The following PLA2G4C variants were observed in gnomAD, a reference collection of about 807,000 sequenced individuals.
PLA2G4C encodes the protein cytosolic phospholipase A2 gamma.
A neutral mutation model predicts 73.8 loss-of-function variants in PLA2G4C; 64 were observed. That is an observed-to-expected ratio of 0.87 (90% CI 0.71 to 1.07). PLA2G4C has a LOEUF of 1.07. PLA2G4C is among the 50% of genes least tolerant of loss of function. The pLI is 0.00. For synonymous variants in PLA2G4C, 254 were observed against 252.1 expected (o/e 1.01, Z -0.07); for missense variants, 622 against 665.4 (o/e 0.93, Z 0.72).
chr19:48,049,301 T>C (rs1967633619), intron 16 of PLA2G4C, among the ~76,000 whole-genome samples: 1 of 152,094 alleles, frequency 6.6e-6, no homozygotes, highest in Non-Finnish European at 1.5e-5. Flanking sequence ...TCCCCAAGAC[T>C]TCCTCATGGC....
chr19:48,054,489 G>C (rs62129287), intron 15 of PLA2G4C, among the ~76,000 whole-genome samples: 1 of 122,698 alleles, frequency 8.2e-6, no homozygotes, highest in African/African-American at 3.4e-5. Context: ...TTTTGTTGTT[G>C]TATTTTTAGT....
At chr19:48,092,052 G>A (rs996996114) in intron 7 of PLA2G4C, among the ~76,000 whole-genome samples, 3 of 139,938 alleles carry the variant, frequency 2.1e-5, no homozygotes, top group East Asian at 4.2e-4. Flanking sequence ...TGGTATGGTC[G>A]TTCCTCAAAA....
At position 48,107,528 on chromosome 19, in the gene PLA2G4C, C is replaced by T. The variant is rs190067058; in HGVS notation, c.-32-967G>A. 3.3e-5 allele frequency among the ~76,000 whole-genome samples: 5 copies of T among 152,232 alleles called. No individual in the cohort carries two copies. The East Asian group carries it at 5.8e-4, about 18-fold the overall frequency. On this transcript the variant is annotated intron_variant, in intron 1 of 16. Transcript: ENST00000599921. The stretch of plus-strand genomic sequence containing the variant: ...AGAGGGCCCCTTGGTCTTGGGGTAA[C>T]GCCAGCGTCTGGGAAGATGCCCATT...
intron 13 of PLA2G4C, among the ~76,000 whole-genome samples, chr19:48,064,156 C>T (rs1435583415): frequency 1.3e-5 from 2 of 152,134 alleles, no homozygotes; most frequent in Non-Finnish European, 2.9e-5. Context: ...TGGCCGGGCA[C>T]GGTGGCTCAC....
At chr19:48,071,062 A>G (rs1041342963) in intron 12 of PLA2G4C, among the ~76,000 whole-genome samples, 1 of 152,338 alleles carries the variant, frequency 6.6e-6, no homozygotes, top group South Asian at 2.1e-4. Flanking sequence ...ATATAGATGC[A>G]TAGATTTGGG....
In PLA2G4C at chr19:48,097,517, C is replaced by G. The variant is rs1002350833; in HGVS notation, c.568+622G>C. Among the ~76,000 whole-genome samples, 5 of 151,722 alleles carry G rather than the reference C, an allele frequency of 3.3e-5. No homozygotes were observed. In the East Asian group the frequency reaches 5.9e-4, roughly 18 times the overall value. The stretch of plus-strand genomic sequence containing the variant: ...TCCACCCGCCTCGGCCTCCCAAAGT[C>G]CTGGGATTACAGGCGTGAGCCACTG... On this transcript the variant is annotated intron_variant, in intron 6 of 16. Coordinates refer to ENST00000599921, the MANE Select transcript of PLA2G4C (RefSeq NM_003706.3).
At chr19:48,074,957 C>T in intron 11 of PLA2G4C, 83 bp from the exon 12 acceptor site, 3 of 859,010 alleles carry the variant, frequency 3.5e-6, no homozygotes, top group Non-Finnish European at 5.5e-6. Flanking sequence ...GCCTCATCTT[C>T]TGCAATGCCC....
intron 10 of PLA2G4C, among the ~76,000 whole-genome samples, chr19:48,078,811 G>T (rs760823815): frequency 2.1e-4 from 32 of 151,278 alleles, no homozygotes; most frequent in Non-Finnish European, 3.7e-4. Flanking sequence ...CAATCTACAA[G>T]TCCAGTGTAA....
chr19:48,051,723 G>C (rs1421818655), intron 16 of PLA2G4C: 1 of 151,980 alleles, frequency 6.6e-6, no homozygotes. Flanking sequence ...ATTACAATTC[G>C]AGATGAGATT....
rs1217443198 is a variant in PLA2G4C at position 48,080,502 on chromosome 19, C to T, written c.845-2678G>A. Among the ~76,000 whole-genome samples the T allele has an allele frequency of 4.6e-5, 7 of 152,108 alleles. No individual in the cohort carries two copies. The East Asian group carries it at 1.4e-3, about 29-fold the overall frequency. On this transcript the variant is annotated intron_variant, in intron 10 of 16. Transcript: ENST00000599921. ...GGGTATCTACCCAAAGGAAAGGCAG[C>T]CATTATATGAAAAAGACACTTGTGG...
chr19:48,098,367 C>T lies in PLA2G4C; in HGVS notation c.448-108G>A, dbSNP rs1600246082. The T allele has an allele frequency of 1.8e-5, 19 of 1,066,856 alleles. No individual in the cohort carries two copies. The East Asian group carries it at 4.9e-4, about 27-fold the overall frequency. 66.1% of individuals were successfully genotyped at this position (1,066,856 alleles called of 1,614,324 possible). ...TTTTAGAGGGGTCTCAGTCTGTCACCCAGGCTGGAGTGCAGTGGTACAATA... is the reference window on the plus strand; with the variant it reads ...TTTTAGAGGGGTCTCAGTCTGTCACTCAGGCTGGAGTGCAGTGGTACAATA... On this transcript the variant is annotated intron_variant, in intron 5 of 16. Coordinates refer to ENST00000599921, the MANE Select transcript of PLA2G4C (RefSeq NM_003706.3).
At chr19:48,052,805 C>T (rs1220995850) in intron 16 of PLA2G4C, 192 bp downstream of exon 16, 6 of 491,736 alleles carry the variant, frequency 1.2e-5, no homozygotes, top group Admixed American at 3.8e-5. Flanking sequence ...CAGCCTGCTT[C>T]ACTCTTCAGA....
rs759204798 is a variant in PLA2G4C, at chr19:48,067,779, G to A, written c.1102+12C>T. On this transcript the variant is annotated intron_variant, in intron 13 of 16. Transcript: ENST00000599921. ...AGGACAGACCAGGGCGGTGGGAAGA[G>A]GGTCTTCTCACCGTGTTTGTACAGG... 171 of 1,551,780 alleles carry A rather than the reference G, an allele frequency of 1.1e-4. No individual in the cohort carries two copies. The highest frequency in any genetic ancestry group is 3.4e-4 in the Middle Eastern group (2 of 5,952).
chr19:48,092,103 G>T (rs1219893717), intron 7 of PLA2G4C, among the ~76,000 whole-genome samples: 1 of 151,428 alleles, frequency 6.6e-6, no homozygotes, highest in Non-Finnish European at 1.5e-5. Context: ...AGGCTGGAGC[G>T]CAATGGCGCG....
Position 48,100,072 on chromosome 19 carries a change from T to C in PLA2G4C, c.258-212A>G. ...AAAATCATCTGGGACAATCCTTCCA[T>C]TTCACAGGCAGGAAAATGAGAGCAC... On this transcript the variant is annotated intron_variant, in intron 4 of 16. Transcript: ENST00000599921. 1.3e-5 allele frequency: 6 copies of C among 471,734 alleles called. No homozygotes were observed. In the East Asian group the frequency reaches 2.1e-4, roughly 17 times the overall value. The allele number at this position is 471,734 out of a possible 1,614,324, so 29.2% of individuals were successfully genotyped here.
intron 14 of PLA2G4C, among the ~76,000 whole-genome samples, chr19:48,061,176 T>C (rs1164712221): frequency 6.6e-6 from 1 of 151,226 alleles, no homozygotes; most frequent in African/African-American, 2.4e-5. Flanking sequence ...CAGTCCCAGC[T>C]ACTTGGGAGG....
intron 12 of PLA2G4C, 150 bp downstream of exon 12, chr19:48,074,617 T>G: frequency 1.5e-6 from 1 of 667,928 alleles, no homozygotes; most frequent in Non-Finnish European, 2.7e-6. Context: ...CAACATGAGA[T>G]GTGGAAGGGA....
chr19:48,052,652 T>G (rs1337682841), intron 16 of PLA2G4C, among the ~76,000 whole-genome samples: 1 of 152,134 alleles, frequency 6.6e-6, no homozygotes, highest in Non-Finnish European at 1.5e-5. Flanking sequence ...GTGGAACAAA[T>G]TCTCCCTCAC....
At chr19:48,073,568 T>C (rs1320163186) in intron 12 of PLA2G4C, among the ~76,000 whole-genome samples, 1 of 151,170 alleles carries the variant, frequency 6.6e-6, no homozygotes, top group Non-Finnish European at 1.5e-5. Flanking sequence ...GTTGGGTGGA[T>C]AGAGGGTGGG....
Sources: allele counts gnomAD v4.1 joint callset (sites outside exome capture counted in the v4.1 genomes callset), GRCh38; gene constraint gnomAD v4.1.1; transcripts MANE v1.5; gene names NCBI Gene and HGNC (gene_info 2026-07-23, HGNC 2026-07-21).